ITGB3BP: variants seen among roughly 807,000 people sequenced by gnomAD.
The protein encoded by ITGB3BP is integrin subunit beta 3 binding protein, also known as centromere protein R.
ITGB3BP carries 27 observed loss-of-function variants against 29.1 expected under a neutral mutation model. That is an observed-to-expected ratio of 0.93 (90% CI 0.68 to 1.28). ITGB3BP has a LOEUF of 1.28. Among genes scored for constraint, ITGB3BP ranks in the 50% most tolerant of loss-of-function variants. The pLI is 0.00. For synonymous variants in ITGB3BP, 61 were observed against 61.4 expected, an observed-to-expected ratio of 0.99 and a Z score of 0.03; for missense variants, 192 against 200.2, an observed-to-expected ratio of 0.96 and a Z score of 0.25.
At chr1:63,516,706 T>C (rs530464657) in intron 1 of ITGB3BP, among the ~76,000 whole-genome samples, 6 of 130,668 alleles carry the variant, frequency 4.6e-5, no homozygotes, top group African/African-American at 1.6e-4. Flanking sequence ...TAAGACCTTG[T>C]TTCATGAAAA....
At chr1:63,519,411 C>G (rs1646401880) in intron 1 of ITGB3BP, among the ~76,000 whole-genome samples, 1 of 152,044 alleles carries the variant, frequency 6.6e-6, no homozygotes, top group African/African-American at 2.4e-5. Context: ...TGCTTTCACA[C>G]TATTATGAAG....
intron 1 of ITGB3BP, among the ~76,000 whole-genome samples, chr1:63,511,025 G>A (rs1400487415): frequency 6.6e-6 from 1 of 152,158 alleles, no homozygotes; most frequent in African/African-American, 2.4e-5. Context: ...TAACAAAAGT[G>A]ATATCTATCT....
intron 4 of ITGB3BP, among the ~76,000 whole-genome samples, chr1:63,473,255 G>C (rs1450825346): frequency 0.021 from 3,253 of 151,722 alleles, 96 homozygotes; most frequent in African/African-American, 0.074. Flanking sequence ...CCCCGTCTGA[G>C]AAGTGAGGAG....
At chr1:63,484,383 C>T (rs1300600995) in intron 3 of ITGB3BP, among the ~76,000 whole-genome samples, 1 of 152,050 alleles carries the variant, frequency 6.6e-6, no homozygotes, top group Non-Finnish European at 1.5e-5. Flanking sequence ...CTGTATAAAG[C>T]TTCCACCAAG....
intron 2 of ITGB3BP, among the ~76,000 whole-genome samples, chr1:63,502,061 A>G (rs549894888): frequency 1.3e-5 from 2 of 152,260 alleles, no homozygotes; most frequent in South Asian, 4.1e-4. Context: ...AGTGTCCTGA[A>G]AAAGACTGGG....
chr1:63,453,919 T>C lies in ITGB3BP; in HGVS notation c.483A>G (p.Lys161=). 6.4e-7 allele frequency: 1 copy of C among 1,571,882 alleles called. No individual in the cohort carries two copies. The highest frequency in any genetic ancestry group is 8.7e-7 in the Non-Finnish European group (1 of 1,147,446). ...ATAAACTAAAACACAACTACTTACC[T>C]TTGTGAGGAAGTCCTGTACTCTTTT... ...LFEKSTGLPH[K]ASRHLDSYEF... Residue 161 remains lysine, a splice_region_variant and synonymous_variant, in exon 7 of 9, where the codon AAA becomes AAG. Transcript: ENST00000271002.
chr1:63,472,551 G>T (rs1158581489), intron 4 of ITGB3BP, among the ~76,000 whole-genome samples: 8 of 147,476 alleles, frequency 5.4e-5, no homozygotes, highest in African/African-American at 2.0e-4. Context: ...CTGCCATCTC[G>T]GCTCACTGCA....
chr1:63,488,220 A>G (rs1452054557), intron 3 of ITGB3BP, among the ~76,000 whole-genome samples: 3 of 152,094 alleles, frequency 2.0e-5, no homozygotes, highest in African/African-American at 7.2e-5. Flanking sequence ...CCAGGTGGAG[A>G]GAACTGCAAG....
chr1:63,491,209 C>A (rs1443956280), intron 2 of ITGB3BP, among the ~76,000 whole-genome samples: 1 of 152,162 alleles, frequency 6.6e-6, no homozygotes, highest in African/African-American at 2.4e-5. Context: ...TTCCTGAATT[C>A]CCTTAAAACT....
chr1:63,459,369 A>T (rs1029241758), intron 4 of ITGB3BP, among the ~76,000 whole-genome samples: 3 of 152,218 alleles, frequency 2.0e-5, no homozygotes, highest in Non-Finnish European at 4.4e-5. Flanking sequence ...ACCTCTAAGA[A>T]ATTGTACTTT....
chr1:63,507,576 G>A (rs534182120), intron 2 of ITGB3BP, among the ~76,000 whole-genome samples: 4 of 152,208 alleles, frequency 2.6e-5, no homozygotes, highest in African/African-American at 7.2e-5. Context: ...TACAGTCACA[G>A]CTGCATTCTG....
intron 4 of ITGB3BP, among the ~76,000 whole-genome samples, chr1:63,476,701 T>C (rs1446617024): frequency 6.6e-6 from 1 of 152,214 alleles, no homozygotes; most frequent in Admixed American, 6.5e-5. Flanking sequence ...GGCTTGATTA[T>C]CTGGTATCAC....
At chr1:63,523,497 C>G (rs1344767237), upstream of ITGB3BP, 1 of 329,214 alleles carries the variant, frequency 3.0e-6, no homozygotes, top group African/African-American at 2.1e-5. Flanking sequence ...AAGGGCTCTG[C>G]ATCTTATTTC....
intron 4 of ITGB3BP, among the ~76,000 whole-genome samples, chr1:63,469,612 C>T (rs189784803): frequency 2.0e-5 from 3 of 152,326 alleles, no homozygotes; most frequent in Non-Finnish European, 4.4e-5. Context: ...AGGCGTGACC[C>T]ACCATGCCTG....
At chr1:63,516,566 C>A (rs1462737046) in intron 1 of ITGB3BP, among the ~76,000 whole-genome samples, 2 of 151,010 alleles carry the variant, frequency 1.3e-5, no homozygotes, top group African/African-American at 4.9e-5. Context: ...AAAAATTAGG[C>A]CAGTGTGGTG....
At chr1:63,458,536 A>G (rs1418911303) in intron 4 of ITGB3BP, among the ~76,000 whole-genome samples, 1 of 152,092 alleles carries the variant, frequency 6.6e-6, no homozygotes, top group East Asian at 1.9e-4. Flanking sequence ...AGTGATTTAT[A>G]GATTCCCTCG....
rs776951637 is a variant in ITGB3BP, at chr1:63,454,439, A to G, written c.368T>C (p.Ile123Thr). 11 of 1,602,680 alleles carry G rather than the reference A, an allele frequency of 6.9e-6. No homozygotes were observed. Among genetic ancestry groups the G allele is most frequent in the South Asian group, 2.2e-5 (2 of 89,964 alleles). The change falls in exon 6 of 9, where the codon ATT (isoleucine) becomes ACT (threonine). Residue 123 changes from isoleucine (I) to threonine (T), a missense_variant. Transcript: ENST00000271002. This position sits in a 1 kb window ranked among gnomAD's most constrained non-coding sequence, Gnocchi z 4.1. Reference sequence around the variant, plus strand: ...GAAATGTGATGCACAGGAGATTCCAATGAGATTTTCAAGCTCTCTACTGCC... The same window carrying G: ...GAAATGTGATGCACAGGAGATTCCAGTGAGATTTTCAAGCTCTCTACTGCC... ...LEGSRELENL[I>T]GISCASHFLK...
At chr1:63,470,562 T>A (rs1194027717) in intron 4 of ITGB3BP, among the ~76,000 whole-genome samples, 1 of 152,218 alleles carries the variant, frequency 6.6e-6, no homozygotes, top group Non-Finnish European at 1.5e-5. Flanking sequence ...ACATCCAACA[T>A]TATGTTTGTG....
chr1:63,446,088 G>A (rs796258877), intron 8 of ITGB3BP, among the ~76,000 whole-genome samples: 18 of 151,908 alleles, frequency 1.2e-4, no homozygotes, highest in African/African-American at 2.7e-4. Context: ...TAGTAGAGAC[G>A]GGGTTTCACC....
Sources: gnomAD v4.1 joint callset for allele counts (sites outside exome capture counted in the v4.1 genomes callset) on GRCh38, gnomAD v4.1.1 for gene constraint, Gnocchi (gnomAD v3.1) non-coding constraint, MANE v1.5 for transcripts, NCBI Gene and HGNC (gene_info 2026-07-23, HGNC 2026-07-21) for gene names.